ANK3: variants seen among roughly 807,000 people sequenced by gnomAD.
ANK3 encodes the protein ankyrin-3.
Under a neutral mutation model 370.9 loss-of-function variants are expected in ANK3, and 57 were observed. The observed-to-expected ratio is 0.15, with a 90% CI of 0.12 to 0.19. The LOEUF (loss-of-function observed/expected upper bound fraction) is 0.19. ANK3 is among the 10% of genes least tolerant of loss of function. The probability of loss-of-function intolerance (pLI) is 1.00; values close to 1 mark genes in which losing one functional copy is unlikely to be tolerated. For missense variants in ANK3, 4,439 were observed against 5,302.1 expected (o/e 0.84, Z 5.06); for synonymous variants, 1,929 against 1,946.3 (o/e 0.99, Z 0.23).
At chr10:60,530,570 G>A (rs1227294869) in intron 2 of ANK3, among the ~76,000 whole-genome samples, 3 of 152,126 alleles carry the variant, frequency 2.0e-5, no homozygotes, top group Non-Finnish European at 4.4e-5. Flanking sequence ...AGGATTCTGA[G>A]AGTGGGCGCC....
chr10:60,240,155 CATATAT>C (rs10629896), intron 7 of ANK3, among the ~76,000 whole-genome samples: 1 of 116,632 alleles, frequency 8.6e-6, no homozygotes, highest in African/African-American at 3.3e-5. Context: ...CATATATATA[CATATAT>C]ACACATATAT....
rs2092645013 is a variant in ANK3 at position 60,110,718 on chromosome 10, T to TTA, written c.2949-1666_2949-1665dup. Among the ~76,000 whole-genome samples the TTA allele has an allele frequency of 2.0e-5, 3 of 152,294 alleles. No individual in the cohort carries two copies. In the South Asian group the frequency reaches 6.2e-4, roughly 32 times the overall value. On this transcript the variant is annotated intron_variant, in intron 26 of 43. Transcript: ENST00000280772. ...CAATAATGAAGGCAATATGGCAATA[T>TTA]TATAAGACAAAAATCAAATCATTCC...
intron 14 of ANK3, among the ~76,000 whole-genome samples, chr10:60,197,575 A>G (rs1192949421): frequency 6.6e-6 from 1 of 152,240 alleles, no homozygotes; most frequent in Non-Finnish European, 1.5e-5. Context: ...GAGCCCAAAG[A>G]ATCACAAGAA....
At chr10:60,194,337 A>G (rs1446267636) in intron 16 of ANK3, among the ~76,000 whole-genome samples, 4 of 151,936 alleles carry the variant, frequency 2.6e-5, no homozygotes, top group South Asian at 4.1e-4. Context: ...TTCTCCAACC[A>G]TCACTATTAT....
chr10:60,137,648 T>C (rs2094416355), intron 24 of ANK3, among the ~76,000 whole-genome samples: 1 of 151,910 alleles, frequency 6.6e-6, no homozygotes, highest in Admixed American at 6.6e-5. Flanking sequence ...GCAATCAAAA[T>C]TAGAAGTGTG....
intron 2 of ANK3, among the ~76,000 whole-genome samples, chr10:60,566,094 G>T (rs2077454036): frequency 6.6e-6 from 1 of 152,092 alleles, no homozygotes; most frequent in South Asian, 2.1e-4. Flanking sequence ...TCTATTTGGT[G>T]ATCTAGGATC....
intron 1 of ANK3, among the ~76,000 whole-genome samples, chr10:60,653,559 C>T (rs1366306473): frequency 1.3e-5 from 2 of 152,140 alleles, no homozygotes; most frequent in Non-Finnish European, 2.9e-5. Flanking sequence ...GGTAATGTGA[C>T]TCTTTTGTTC....
intron 27 of ANK3, 122 bp downstream of exon 27, chr10:60,108,708 A>G (rs750738324): frequency 1.3e-4 from 100 of 792,162 alleles, no homozygotes; most frequent in Non-Finnish European, 1.9e-4. Context: ...ACACTTTACA[A>G]AAAGTATACT....
At chr10:60,413,078 A>G (rs2063591746) in intron 2 of ANK3, among the ~76,000 whole-genome samples, 2 of 152,252 alleles carry the variant, frequency 1.3e-5, no homozygotes, top group Admixed American at 6.5e-5. Context: ...TGTAAAGTGT[A>G]AAATAATTAT....
chr10:60,442,937 A>G (rs1292224939), intron 2 of ANK3, among the ~76,000 whole-genome samples: 1 of 152,250 alleles, frequency 6.6e-6, no homozygotes, highest in Non-Finnish European at 1.5e-5. Context: ...CCCAAGGATC[A>G]ATGTGAAAAT....
chr10:60,574,346 T>C (rs1195977002), intron 2 of ANK3, among the ~76,000 whole-genome samples: 1 of 152,114 alleles, frequency 6.6e-6, no homozygotes, highest in Non-Finnish European at 1.5e-5. Flanking sequence ...TTTGAGCTAA[T>C]TTCTATTTGA....
intron 23 of ANK3, among the ~76,000 whole-genome samples, chr10:60,142,971 A>G (rs911193197): frequency 6.6e-6 from 1 of 152,202 alleles, no homozygotes; most frequent in African/African-American, 2.4e-5. Flanking sequence ...GGGGGTAATA[A>G]GTCTGCCTCT....
chr10:60,315,898 G>A (rs1205450881), intron 1 of ANK3, among the ~76,000 whole-genome samples: 1 of 152,158 alleles, frequency 6.6e-6, no homozygotes, highest in Non-Finnish European at 1.5e-5. Flanking sequence ...GCGATAAGGT[G>A]ATAATTCAGT....
intron 8 of ANK3, among the ~76,000 whole-genome samples, chr10:60,219,562 T>C (rs1415320571): frequency 6.6e-6 from 1 of 152,150 alleles, no homozygotes; most frequent in African/African-American, 2.4e-5. Flanking sequence ...AAAGGATCAG[T>C]GGGAAGGGAG....
intron 1 of ANK3, among the ~76,000 whole-genome samples, chr10:60,370,547 C>A (rs956550021): frequency 2.0e-5 from 3 of 152,070 alleles, no homozygotes; most frequent in Non-Finnish European, 4.4e-5. Context: ...TATCATGAAT[C>A]CAACAAATAC....
chr10:60,269,589 G>A (rs1056563279), intron 5 of ANK3, among the ~76,000 whole-genome samples: 4 of 151,844 alleles, frequency 2.6e-5, no homozygotes, highest in Non-Finnish European at 4.4e-5. Context: ...AGGTTGCAGT[G>A]AGCTGAGATT....
rs773109816 is a variant in ANK3 at position 60,279,520 on chromosome 10, A to G, written c.216+18T>C. The G allele has an allele frequency of 1.9e-6, 3 of 1,568,452 alleles. No homozygotes were observed. Among genetic ancestry groups the G allele is most frequent in the Non-Finnish European group, 2.6e-6 (3 of 1,158,438 alleles). On this transcript the variant is annotated intron_variant, in intron 2 of 43. Coordinates refer to ENST00000280772, the MANE Select transcript of ANK3 (RefSeq NM_020987.5). ...TTTAGAATTTTAAGTAAAAAATTCAATAATAACTCCAGCTAACCTGATTGC... is the reference window on the plus strand; with the variant it reads ...TTTAGAATTTTAAGTAAAAAATTCAGTAATAACTCCAGCTAACCTGATTGC...
chr10:60,339,470 A>G (rs2053765458), intron 1 of ANK3, among the ~76,000 whole-genome samples: 1 of 152,182 alleles, frequency 6.6e-6, no homozygotes, highest in Admixed American at 6.6e-5. Flanking sequence ...CCTGTCATGT[A>G]AAACAAGGAC....
intron 1 of ANK3, among the ~76,000 whole-genome samples, chr10:60,369,587 A>G (rs776974003): frequency 2.0e-5 from 3 of 152,276 alleles, no homozygotes; most frequent in South Asian, 4.1e-4. Flanking sequence ...ACAACAAGAC[A>G]CAATTATTCT....
Sources: gnomAD v4.1 joint callset for allele counts (sites outside exome capture counted in the v4.1 genomes callset) on GRCh38, gnomAD v4.1.1 for gene constraint, MANE v1.5 for transcripts, NCBI Gene and HGNC (gene_info 2026-07-23, HGNC 2026-07-21) for gene names.